Variants in UBASH3B observed in about 807,000 individuals in gnomAD.
UBASH3B encodes the protein ubiquitin-associated and SH3 domain-containing protein B.
UBASH3B carries 37 observed loss-of-function variants against 83.4 expected under a neutral mutation model. The observed-to-expected ratio is 0.44, with a 90% CI of 0.34 to 0.58. The LOEUF (loss-of-function observed/expected upper bound fraction) is 0.58, where lower values mean the gene tolerates loss of function less well. Among genes scored for constraint, UBASH3B ranks in the 20% least tolerant of loss-of-function variants. The pLI is 0.01. For synonymous variants in UBASH3B, 304 were observed against 318.3 expected (o/e 0.96, Z 0.48); for missense variants, 657 against 827.2 (o/e 0.79, Z 2.52).
intron 1 of UBASH3B, among the ~76,000 whole-genome samples, chr11:122,678,459 G>A (rs1863695256): frequency 6.6e-6 from 1 of 152,192 alleles, no homozygotes; most frequent in Non-Finnish European, 1.5e-5. Flanking sequence ...CATAAGAAGT[G>A]AGAAGGGAAA....
rs142165061 is a variant in UBASH3B at position 122,670,785 on chromosome 11, C to T, written c.161+14575C>T. ...TTTATTTATTCATTTATTTATTTAT[C>T]GAGACTGAGCTCTGTTGCCCAGGCT... On this transcript the variant is annotated intron_variant, in intron 1 of 13. Transcript: ENST00000284273. Among the ~76,000 whole-genome samples, 59 of 152,124 alleles carry T rather than the reference C, an allele frequency of 3.9e-4. 1 individual carries two copies. The highest frequency in any genetic ancestry group is 1.3e-3 in the African/African-American group (54 of 41,520).
intron 1 of UBASH3B, among the ~76,000 whole-genome samples, chr11:122,727,362 T>C (rs981848360): frequency 8.5e-5 from 13 of 152,202 alleles, no homozygotes; most frequent in Non-Finnish European, 1.5e-4. Flanking sequence ...CATCATGTCT[T>C]TGCTTACTGT....
intron 1 of UBASH3B, among the ~76,000 whole-genome samples, chr11:122,737,842 C>T (rs1860959392): frequency 6.6e-6 from 1 of 152,226 alleles, no homozygotes; most frequent in African/African-American, 2.4e-5. Flanking sequence ...AGACTAAGGG[C>T]ATCCTTAGCA....
At chr11:122,722,208 A>T (rs1006536294) in intron 1 of UBASH3B, among the ~76,000 whole-genome samples, 4 of 152,188 alleles carry the variant, frequency 2.6e-5, no homozygotes, top group Non-Finnish European at 4.4e-5. Context: ...CCCTTGGTGG[A>T]TGGCCCAGTG....
intron 6 of UBASH3B, among the ~76,000 whole-genome samples, 171 bp downstream of exon 6, chr11:122,789,479 C>T (rs114384929): frequency 0.012 from 1,837 of 152,252 alleles, 49 homozygotes; most frequent in African/African-American, 0.042. Context: ...AAATGGATTG[C>T]TCTGCTTCCC....
intron 1 of UBASH3B, among the ~76,000 whole-genome samples, chr11:122,696,323 C>T (rs1237765773): frequency 9.0e-6 from 1 of 111,574 alleles, no homozygotes; most frequent in Non-Finnish European, 1.8e-5. Context: ...CAGGGCCCTA[C>T]GTTTCTTTTT....
intron 1 of UBASH3B, among the ~76,000 whole-genome samples, chr11:122,722,437 A>G (rs1299811551): frequency 6.6e-6 from 1 of 151,920 alleles, no homozygotes; most frequent in Non-Finnish European, 1.5e-5. Flanking sequence ...TCTGCCAGAT[A>G]CTGAGAGAGA....
At chr11:122,776,095 T>G in intron 1 of UBASH3B, 124 bp from the exon 2 acceptor site, 1 of 785,074 alleles carries the variant, frequency 1.3e-6, no homozygotes, top group Non-Finnish European at 2.0e-6. Context: ...AGGTGTCTAC[T>G]CCCCACCACA....
chr11:122,666,464 G>A (rs748239419), intron 1 of UBASH3B, among the ~76,000 whole-genome samples: 39 of 152,036 alleles, frequency 2.6e-4, no homozygotes, highest in Non-Finnish European at 4.9e-4. Flanking sequence ...TGTCACCCAG[G>A]CTGGAGTGCA....
At chr11:122,688,625 CTTTTATTTTA>C (rs560066242) in intron 1 of UBASH3B, among the ~76,000 whole-genome samples, 32,345 of 136,652 alleles carry the variant, frequency 0.24, 4,743 homozygotes, top group Non-Finnish European at 0.33. Context: ...TTTTTTCTTT[CTTTTATTTTA>C]TTTTATTTTA....
chr11:122,674,136 A>G (rs1008104044), intron 1 of UBASH3B, among the ~76,000 whole-genome samples: 1 of 152,228 alleles, frequency 6.6e-6, no homozygotes, highest in Non-Finnish European at 1.5e-5. Flanking sequence ...AAAATAAAAA[A>G]AGAAAACCAA....
At chr11:122,683,743 T>TTGTGTG (rs57305276) in intron 1 of UBASH3B, among the ~76,000 whole-genome samples, 4 of 99,014 alleles carry the variant, frequency 4.0e-5, no homozygotes, top group African/African-American at 1.1e-4. Flanking sequence ...TAAAAAAAAA[T>TTGTGTG]TGTGTGTGTG....
Position 122,810,029 on chromosome 11 carries a change from G to A in UBASH3B, c.*143G>A. On this transcript the variant is annotated 3_prime_UTR_variant, in exon 14 of 14. Transcript: ENST00000284273. ...TTCCTTTCACACTTAAAGTTCTTAA[G>A]ATGAGACTGTGTAAATGAGAGAAAG... 2.0e-6 allele frequency: 2 copies of A among 1,000,064 alleles called. No homozygotes were observed. Among genetic ancestry groups the A allele is most frequent in the Non-Finnish European group, 2.9e-6 (2 of 694,980 alleles). 61.9% of individuals were successfully genotyped at this position (1,000,064 alleles called of 1,614,324 possible).
At chr11:122,783,505 G>A (rs566060903) in intron 5 of UBASH3B, among the ~76,000 whole-genome samples, 141 of 152,112 alleles carry the variant, frequency 9.3e-4, no homozygotes, top group African/African-American at 3.3e-3. Context: ...TGAAATGGGA[G>A]AGAATAAATA....
At chr11:122,748,371 G>C (rs770117975) in intron 1 of UBASH3B, among the ~76,000 whole-genome samples, 17 of 152,186 alleles carry the variant, frequency 1.1e-4, no homozygotes, top group African/African-American at 3.9e-4. Context: ...TCCAGATTCA[G>C]TAACGATCAA....
chr11:122,723,314 G>T (rs1860674875), intron 1 of UBASH3B, among the ~76,000 whole-genome samples: 1 of 152,200 alleles, frequency 6.6e-6, no homozygotes, highest in Admixed American at 6.5e-5. Context: ...CTTTGCAGAT[G>T]TGACTCAAAT....
At chr11:122,804,994 G>A (rs534825248) in intron 11 of UBASH3B, among the ~76,000 whole-genome samples, 215 of 152,280 alleles carry the variant, frequency 1.4e-3, no homozygotes, top group African/African-American at 4.9e-3. Flanking sequence ...CAGGGGCACC[G>A]GGACAGGAAG....
At chr11:122,766,737 C>T (rs1416664542) in intron 1 of UBASH3B, among the ~76,000 whole-genome samples, 7 of 152,022 alleles carry the variant, frequency 4.6e-5, no homozygotes, top group African/African-American at 1.7e-4. Flanking sequence ...AGCAAGACTC[C>T]GTCTCAAAAA....
At chr11:122,716,342 T>C (rs1426887526) in intron 1 of UBASH3B, among the ~76,000 whole-genome samples, 5 of 152,194 alleles carry the variant, frequency 3.3e-5, no homozygotes, top group Non-Finnish European at 1.5e-5. Context: ...CCAGCTAATT[T>C]TTTTGTATTT....
Sources: allele counts gnomAD v4.1 joint callset (sites outside exome capture counted in the v4.1 genomes callset), GRCh38; gene constraint gnomAD v4.1.1; transcripts MANE v1.5; gene names NCBI Gene and HGNC (gene_info 2026-07-23, HGNC 2026-07-21).